The following SOCS6 variants were observed in gnomAD, a reference collection of about 807,000 sequenced individuals.
SOCS6 encodes suppressor of cytokine signaling 6, also known as STAT induced STAT inhibitor-4.
A neutral mutation model predicts 27.7 loss-of-function variants in SOCS6; 5 were observed. The ratio of observed to expected loss-of-function variants is 0.18; its 90% confidence interval spans 0.09 to 0.38. The LOEUF (loss-of-function observed/expected upper bound fraction) is 0.38, where lower values mean the gene tolerates loss of function less well. SOCS6 is among the 10% of genes least tolerant of loss of function. The pLI is 1.00. For missense variants in SOCS6, 595 were observed against 688.1 expected (o/e 0.86, Z 1.51); for synonymous variants, 271 against 260.0 (o/e 1.04, Z -0.41).
At chr18:70,316,250 A>AT (rs987973298) in intron 1 of SOCS6, among the ~76,000 whole-genome samples, 23 of 151,536 alleles carry the variant, frequency 1.5e-4, no homozygotes, top group South Asian at 4.2e-4. Flanking sequence ...AATTTAATTA[A>AT]TTTTTTTTTG....
chr18:70,289,469 G>A (rs537367531), intron 1 of SOCS6, among the ~76,000 whole-genome samples: 18 of 147,492 alleles, frequency 1.2e-4, no homozygotes, highest in South Asian at 8.3e-4. Context: ...GCGCCGGCCT[G>A]GGCCGCCGCC....
At chr18:70,290,265 G>C (rs774749035) in intron 1 of SOCS6, among the ~76,000 whole-genome samples, 1 of 152,140 alleles carries the variant, frequency 6.6e-6, no homozygotes, top group South Asian at 2.1e-4. Flanking sequence ...AAAAGTAAAC[G>C]TTCTACTTCA....
chr18:70,290,368 C>G (rs2067687), intron 1 of SOCS6, among the ~76,000 whole-genome samples: 36,985 of 152,130 alleles, frequency 0.24, 4,811 homozygotes, highest in Middle Eastern at 0.34. Context: ...ATCCATTTAG[C>G]TTACTTGAAT....
At chr18:70,296,212 C>G (rs2062322070) in intron 1 of SOCS6, among the ~76,000 whole-genome samples, 1 of 152,032 alleles carries the variant, frequency 6.6e-6, no homozygotes, top group Non-Finnish European at 1.5e-5. Flanking sequence ...CCTTGTGTGT[C>G]AGAAAATGTC....
chr18:70,305,963 C>T (rs1269289138), intron 1 of SOCS6, among the ~76,000 whole-genome samples: 6 of 151,836 alleles, frequency 4.0e-5, no homozygotes, highest in African/African-American at 7.3e-5. Flanking sequence ...GCTGGCCAGG[C>T]GTGGGGGCTT....
intron 1 of SOCS6, among the ~76,000 whole-genome samples, chr18:70,313,558 A>G (rs1324535744): frequency 1.3e-5 from 2 of 152,186 alleles, no homozygotes. Flanking sequence ...GATACAAGAA[A>G]TTAAGTAAGA....
chr18:70,303,203 T>G (rs905156201), intron 1 of SOCS6, among the ~76,000 whole-genome samples: 2 of 152,220 alleles, frequency 1.3e-5, no homozygotes, highest in African/African-American at 4.8e-5. Context: ...GTTTTTGCAC[T>G]TAACAAACGA....
At chr18:70,309,728 G>C (rs1382511408) in intron 1 of SOCS6, among the ~76,000 whole-genome samples, 1 of 151,964 alleles carries the variant, frequency 6.6e-6, no homozygotes, top group Non-Finnish European at 1.5e-5. Context: ...CTGTTGCCTA[G>C]GCTGGAGTGC....
At chr18:70,292,689 T>G (rs1021019733) in intron 1 of SOCS6, among the ~76,000 whole-genome samples, 1 of 152,220 alleles carries the variant, frequency 6.6e-6, no homozygotes, top group South Asian at 2.1e-4. Flanking sequence ...CATTTCTGCC[T>G]AGTTCTGAAA....
In SOCS6 at chr18:70,321,014, T is replaced by A. The variant is rs1910965168; in HGVS notation, c.-126-3529T>A. 4.6e-5 allele frequency among the ~76,000 whole-genome samples: 7 copies of A among 152,270 alleles called. No homozygotes were observed. In the South Asian group the frequency reaches 1.5e-3, roughly 32 times the overall value. On this transcript the variant is annotated intron_variant, in intron 1 of 1. Transcript: ENST00000397942. ...AAATTAGGCTGGGCATAGTGGCTCA[T>A]ACCTGTAATCCCAGCACTTTGGGAA...
Position 70,326,032 on chromosome 18 carries a change from T to C in SOCS6, c.1364T>C (p.Val455Ala), listed in dbSNP as rs756351902. ...QPDVEGHTSI[V>A]DLIEHSIRDS... ...GATGTGGAAGGACATACGTCCATAG[T>C]TGATCTAATTGAGCATTCAATCAGG... The change falls in exon 2 of 2, where the codon GTT becomes GCT. Residue 455 changes from valine (V) to alanine (A), a missense_variant. Transcript: ENST00000397942. 1.2e-6 allele frequency: 2 copies of C among 1,614,128 alleles called. No homozygotes were observed. The highest frequency in any genetic ancestry group is 1.7e-6 in the Non-Finnish European group (2 of 1,180,042).
intron 1 of SOCS6, among the ~76,000 whole-genome samples, chr18:70,293,394 G>C (rs2062308773): frequency 6.6e-6 from 1 of 152,122 alleles, no homozygotes; most frequent in South Asian, 2.1e-4. Flanking sequence ...GTGTGTCTGA[G>C]TGACTCAAGT....
intron 1 of SOCS6, among the ~76,000 whole-genome samples, chr18:70,294,958 C>CA (rs2062316965): frequency 6.6e-6 from 1 of 152,166 alleles, no homozygotes; most frequent in Non-Finnish European, 1.5e-5. Context: ...TCTTATTTTC[C>CA]ATAGCATCGG....
intron 1 of SOCS6, among the ~76,000 whole-genome samples, chr18:70,295,727 A>G (rs1380922680): frequency 6.6e-6 from 1 of 152,206 alleles, no homozygotes; most frequent in Non-Finnish European, 1.5e-5. Context: ...CAGCAGAATT[A>G]CTGCATTTTA....
At position 70,326,577 on chromosome 18, in the gene SOCS6, T is replaced by G. The variant is rs1265448589; in HGVS notation, c.*301T>G. The G allele has an allele frequency of 3.1e-6, 1 of 323,686 alleles. No homozygotes were observed. Among genetic ancestry groups the G allele is most frequent in the Non-Finnish European group, 6.0e-6 (1 of 167,400 alleles). 20.1% of individuals were successfully genotyped at this position (323,686 alleles called of 1,614,324 possible). ...CTCAATGCCCCCCCCGCCCAGTCCT[T>G]TGCTGCTATCCACTGTGATTTTTAT... On this transcript the variant is annotated 3_prime_UTR_variant, in exon 2 of 2. Coordinates refer to ENST00000397942, the MANE Select transcript of SOCS6 (RefSeq NM_004232.4).
At chr18:70,300,424 C>T (rs1273205291) in intron 1 of SOCS6, among the ~76,000 whole-genome samples, 1 of 152,174 alleles carries the variant, frequency 6.6e-6, no homozygotes, top group Non-Finnish European at 1.5e-5. Context: ...CCACCGCGCC[C>T]AGCCTCATTA....
In SOCS6 at chr18:70,325,579, A is replaced by G. The variant is rs760607697; in HGVS notation, c.911A>G (p.His304Arg). 3.7e-6 allele frequency: 6 copies of G among 1,614,212 alleles called. No homozygotes were observed. The highest frequency in any genetic ancestry group is 1.1e-5 in the South Asian group (1 of 91,076). The change falls in exon 2 of 2, where the codon CAC (histidine) becomes CGC (arginine). Residue 304 changes from histidine (H) to arginine (R), a missense_variant. By Grantham distance (29) the His-to-Arg change is conservative. Coordinates refer to ENST00000397942, the MANE Select transcript of SOCS6 (RefSeq NM_004232.4). The surrounding 1 kb of genome is among the most constrained non-coding windows in gnomAD (Gnocchi z 6.3). ...ATGTTGCAGAGCCCGAGAGCGGGTCACGATGATGTCCCTCCACTCTCACCA... is the reference window on the plus strand; with the variant it reads ...ATGTTGCAGAGCCCGAGAGCGGGTCGCGATGATGTCCCTCCACTCTCACCA... ...GVMLQSPRAG[H>R]DDVPPLSPLL... is the part of the protein sequence containing the mutation.
intron 1 of SOCS6, among the ~76,000 whole-genome samples, chr18:70,299,168 AC>A (rs1409026987): frequency 2.0e-5 from 3 of 151,992 alleles, no homozygotes; most frequent in Non-Finnish European, 4.4e-5. Flanking sequence ...GTTAATTCAG[AC>A]CCTACCCAGA....
chr18:70,297,283 T>C (rs2062328536), intron 1 of SOCS6, among the ~76,000 whole-genome samples: 1 of 152,214 alleles, frequency 6.6e-6, no homozygotes, highest in South Asian at 2.1e-4. Flanking sequence ...CGCTTTGTGA[T>C]TTTCTTCGTT....
Sources: gnomAD v4.1 joint callset for allele counts (sites outside exome capture counted in the v4.1 genomes callset) on GRCh38, gnomAD v4.1.1 for gene constraint, Gnocchi (gnomAD v3.1) non-coding constraint, MANE v1.5 for transcripts, NCBI Gene and HGNC (gene_info 2026-07-23, HGNC 2026-07-21) for gene names.